The following SETD4 variants were observed in gnomAD, a reference collection of about 807,000 sequenced individuals.
SETD4 encodes the protein SET domain-containing protein 4.
SETD4 carries 46 observed loss-of-function variants against 58.3 expected under a neutral mutation model. The ratio of observed to expected loss-of-function variants is 0.79; its 90% CI spans 0.62 to 1.01. SETD4 has a LOEUF of 1.01. Ranked by LOEUF, SETD4 falls within the 50% of genes least tolerant of loss-of-function variation. The pLI is 0.00. For synonymous variants in SETD4, 190 were observed against 202.6 expected, an observed-to-expected ratio of 0.94 and a Z score of 0.53; for missense variants, 490 against 523.3, an observed-to-expected ratio of 0.94 and a Z score of 0.62.
At chr21:36,057,463 A>C (rs2065044897) in intron 2 of SETD4, 1 of 636,268 alleles carries the variant, frequency 1.6e-6, no homozygotes, top group Admixed American at 2.9e-5. Context: ...TGCCCAACAC[A>C]GAAAGACCCC....
chr21:36,040,148 C>A (rs12483168), intron 9 of SETD4, among the ~76,000 whole-genome samples: 1 of 152,212 alleles, frequency 6.6e-6, no homozygotes, highest in East Asian at 1.9e-4. Context: ...CTGCCTCCCC[C>A]ATGGAAAAGT....
intron 5 of SETD4, among the ~76,000 whole-genome samples, chr21:36,046,368 A>T (rs2064330013): frequency 6.6e-6 from 1 of 152,260 alleles, no homozygotes; most frequent in Admixed American, 6.5e-5. Context: ...ACCTATGTAA[A>T]GATATAAAAT....
intron 8 of SETD4, among the ~76,000 whole-genome samples, 164 bp from the exon 9 acceptor site, chr21:36,040,819 G>A (rs1284915062): frequency 6.6e-6 from 1 of 152,152 alleles, no homozygotes; most frequent in Non-Finnish European, 1.5e-5. Flanking sequence ...AAATACTTAA[G>A]AAGAAAGCCT....
At chr21:36,047,834 C>CAAAAAAA (rs34827028) in intron 5 of SETD4, among the ~76,000 whole-genome samples, 3 of 70,930 alleles carry the variant, frequency 4.2e-5, no homozygotes, top group African/African-American at 5.5e-5. Flanking sequence ...ACTAAAAATA[C>CAAAAAAA]AAAAAAAAAA....
intron 9 of SETD4, among the ~76,000 whole-genome samples, chr21:36,039,204 A>T (rs2063926134): frequency 6.6e-6 from 1 of 152,224 alleles, no homozygotes; most frequent in Admixed American, 6.5e-5. Flanking sequence ...TAATCTTCAC[A>T]GTTACCTAGC....
chr21:36,040,791 A>C, intron 8 of SETD4, 136 bp from the exon 9 acceptor site: 2 of 692,332 alleles, frequency 2.9e-6, no homozygotes, highest in Non-Finnish European at 5.0e-6. Flanking sequence ...GCCAAAGGAC[A>C]AGAGAAAATC....
intron 9 of SETD4, among the ~76,000 whole-genome samples, chr21:36,039,690 G>A (rs1016891165): frequency 1.3e-5 from 2 of 152,160 alleles, no homozygotes; most frequent in African/African-American, 2.4e-5. Context: ...AGGAAACATC[G>A]GTTAAAGAAT....
intron 3 of SETD4, among the ~76,000 whole-genome samples, chr21:36,056,590 A>G (rs1459615552): frequency 1.3e-5 from 2 of 152,050 alleles, no homozygotes; most frequent in African/African-American, 4.8e-5. Flanking sequence ...ACAAGGTCTC[A>G]CTCTATCGCC....
At chr21:36,048,423 G>T in intron 4 of SETD4, 27 bp from the exon 5 acceptor site, 1 of 1,605,828 alleles carries the variant, frequency 6.2e-7, no homozygotes, top group Non-Finnish European at 8.5e-7. Flanking sequence ...TAAAGTTGAG[G>T]ACGCCTATGC....
At chr21:36,059,696 A>C (rs1326359215) in intron 1 of SETD4, 2 of 954,634 alleles carry the variant, frequency 2.1e-6, no homozygotes, top group African/African-American at 3.5e-5. Context: ...ACAAAAAATA[A>C]ATTAAAAAAA....
At position 36,051,476 on chromosome 21, in the gene SETD4, T is replaced by C. The variant is rs2064683530; in HGVS notation, c.207+2107A>G. 2.9e-6 allele frequency: 4 copies of C among 1,359,960 alleles called. No homozygotes were observed. In the Middle Eastern group the frequency reaches 8.2e-4, roughly 279 times the overall value. 84.2% of individuals were successfully genotyped at this position (1,359,960 alleles called of 1,614,324 possible). On this transcript the variant is annotated intron_variant, in intron 4 of 11. Coordinates refer to ENST00000332131, the MANE Select transcript of SETD4 (RefSeq NM_017438.5). Reference sequence around the variant, plus strand: ...TTGCAATGCTGTTCATGGAGGATGCTCAGGAAGATGAGAGAAAATTAGTAG... The same window carrying C: ...TTGCAATGCTGTTCATGGAGGATGCCCAGGAAGATGAGAGAAAATTAGTAG...
In SETD4 at chr21:36,045,935, G is replaced by A. The variant is rs775158836; in HGVS notation, c.373C>T (p.Leu125Phe). ...AAAATCTCCAGGTAAGGCTTCCAAAGAGATCGGTGCCCAGCATGCTTTTCT... is the reference window on the plus strand; with the variant it reads ...AAAATCTCCAGGTAAGGCTTCCAAAAAGATCGGTGCCCAGCATGCTTTTCT... ...VSEKHAGHRS[L>F]WKPYLEILPK... The change falls in exon 6 of 12, where the codon CTT (leucine) becomes TTT (phenylalanine). Residue 125 changes from leucine to phenylalanine, a missense_variant. By Grantham distance (22) the Leu-to-Phe change is conservative (BLOSUM62 0). Transcript: ENST00000332131. The A allele has an allele frequency of 2.5e-6, 4 of 1,614,232 alleles. No homozygotes were observed. Among genetic ancestry groups the A allele is most frequent in the South Asian group, 1.1e-5 (1 of 91,088 alleles).
chr21:36,053,057 C>G (rs1424492406), intron 4 of SETD4: 1 of 153,648 alleles, frequency 6.5e-6, no homozygotes, highest in East Asian at 1.9e-4. Flanking sequence ...CTAACGGAAT[C>G]CTACTTAGAG....
intron 4 of SETD4, chr21:36,050,823 G>A: frequency 6.2e-7 from 1 of 1,609,922 alleles, no homozygotes; most frequent in South Asian, 1.1e-5. Flanking sequence ...ACATGGACGG[G>A]ATGTACGTGT....
intron 3 of SETD4, among the ~76,000 whole-genome samples, chr21:36,056,794 G>C (rs752587734): frequency 6.6e-6 from 1 of 152,162 alleles, no homozygotes; most frequent in Non-Finnish European, 1.5e-5. Flanking sequence ...ATGAGCTCAA[G>C]TGATCTGCCT....
chr21:36,040,715 C>A, intron 8 of SETD4, 60 bp from the exon 9 acceptor site: 4 of 1,452,914 alleles, frequency 2.8e-6, no homozygotes, highest in Non-Finnish European at 3.9e-6. Context: ...GACCTCATAG[C>A]AAATGACTGA....
intron 1 of SETD4, chr21:36,059,636 C>G: frequency 1.5e-6 from 1 of 655,070 alleles, no homozygotes; most frequent in Non-Finnish European, 1.9e-6. Context: ...TGCAGCTAGA[C>G]GAGATCACGC....
At chr21:36,042,723 G>A (rs1344994568) in intron 7 of SETD4, 1 of 152,112 alleles carries the variant, frequency 6.6e-6, no homozygotes, top group Non-Finnish European at 1.5e-5. Context: ...GTTTCAGAAA[G>A]GGAAAAATCA....
intron 9 of SETD4, among the ~76,000 whole-genome samples, chr21:36,039,128 C>A (rs1050943734): frequency 6.6e-6 from 1 of 152,112 alleles, no homozygotes; most frequent in Non-Finnish European, 1.5e-5. Flanking sequence ...GAAATGAGTT[C>A]TCAGTAAAGA....
Sources: gnomAD v4.1 joint callset for allele counts (sites outside exome capture counted in the v4.1 genomes callset) on GRCh38, gnomAD v4.1.1 for gene constraint, MANE v1.5 for transcripts, NCBI Gene and HGNC (gene_info 2026-07-23, HGNC 2026-07-21) for gene names.